ARGFX: variants seen among roughly 807,000 people sequenced by gnomAD.
ARGFX encodes the protein arginine-fifty homeobox.
In ARGFX, 10 loss-of-function variants were observed where a neutral mutation model predicts 8.0. The ratio of observed to expected loss-of-function variants is 1.25; its 90% confidence interval spans 0.77 to 2.12. The LOEUF (loss-of-function observed/expected upper bound fraction) is 2.12, where lower values mean the gene tolerates loss of function less well. Among genes scored for constraint, ARGFX ranks in the 30% most tolerant of loss-of-function variants. The pLI is 0.00. For synonymous variants in ARGFX, 116 were observed against 117.8 expected, an observed-to-expected ratio of 0.98 and a Z score of 0.10; for missense variants, 282 against 324.3, an observed-to-expected ratio of 0.87 and a Z score of 1.00.
chr3:121,583,725 C>G (rs1284211818), intron 3 of ARGFX, among the ~76,000 whole-genome samples: 1 of 152,118 alleles, frequency 6.6e-6, no homozygotes, highest in African/African-American at 2.4e-5. Flanking sequence ...CAGGGTCTCC[C>G]TACACTCCCC....
At chr3:121,584,251 GA>G (rs2048797861) in intron 3 of ARGFX, among the ~76,000 whole-genome samples, 1 of 150,408 alleles carries the variant, frequency 6.6e-6, no homozygotes, top group Admixed American at 6.7e-5. Flanking sequence ...AGGAAGGAAG[GA>G]AGGAAGGAAG....
chr3:121,570,681 C>A (rs1478228096), intron 1 of ARGFX, 21 bp from the exon 2 acceptor site: 2 of 1,508,262 alleles, frequency 1.3e-6, no homozygotes, highest in Non-Finnish European at 1.8e-6. Context: ...CATTCCCTAT[C>A]TCATAGGCCT....
At chr3:121,580,682 G>A (rs181542349) in intron 3 of ARGFX, among the ~76,000 whole-genome samples, 23 of 144,852 alleles carry the variant, frequency 1.6e-4, no homozygotes, top group Admixed American at 1.3e-3. Flanking sequence ...TTGACTCACC[G>A]CAACCTCCGC....
intron 3 of ARGFX, among the ~76,000 whole-genome samples, chr3:121,579,596 C>T (rs2108837239): frequency 6.6e-6 from 1 of 152,168 alleles, no homozygotes; most frequent in Middle Eastern, 3.4e-3. Context: ...ACTTGTCCTT[C>T]CCTAAGAGGG....
At position 121,586,423 on chromosome 3, in the gene ARGFX, A is replaced by C. The variant is rs756253753; in HGVS notation, c.771A>C (p.Thr257=). 2 of 1,614,156 alleles carry C rather than the reference A, an allele frequency of 1.2e-6. No homozygotes were observed. The highest frequency in any genetic ancestry group is 1.7e-6 in the Non-Finnish European group (2 of 1,180,038). ...GTCTGTATCAGTATCTCTCACCCAC[A>C]AAGTACCAGGTAGGAGGACAGGGTT... ...FHCLYQYLSP[T]KYQVGGQGSS... The change falls in exon 5 of 5, where the codon ACA becomes ACC. Residue 257 remains threonine, a synonymous_variant. Transcript: ENST00000334384.
chr3:121,570,582 A>C, intron 1 of ARGFX, 120 bp from the exon 2 acceptor site: 1 of 507,684 alleles, frequency 2.0e-6, no homozygotes. Flanking sequence ...AGGTAGAGGA[A>C]TTGGGGGTTA....
At chr3:121,585,395 G>C (rs79027605) in intron 4 of ARGFX, among the ~76,000 whole-genome samples, 1 of 152,100 alleles carries the variant, frequency 6.6e-6, no homozygotes, top group Non-Finnish European at 1.5e-5. Flanking sequence ...CAGACTCCTC[G>C]CTTAGAGTCT....
chr3:121,579,103 C>T (rs1158375284), intron 3 of ARGFX, among the ~76,000 whole-genome samples: 1 of 152,118 alleles, frequency 6.6e-6, no homozygotes, highest in Admixed American at 6.5e-5. Flanking sequence ...AGAAATAGAT[C>T]AAAGTTTTCA....
At position 121,585,074 on chromosome 3, in the gene ARGFX, C is replaced by T. The variant is rs767668920; in HGVS notation, c.369+9C>T. On this transcript the variant is annotated intron_variant, in intron 4 of 4. Transcript: ENST00000334384. Reference sequence around the variant, plus strand: ...CGGAGTCAACAGTAAAGGTCTGATCCCCTGTGGTGTGCTTGGTACCCCCAT... The same window carrying T: ...CGGAGTCAACAGTAAAGGTCTGATCTCCTGTGGTGTGCTTGGTACCCCCAT... 11 of 1,613,038 alleles carry T rather than the reference C, an allele frequency of 6.8e-6. 1 individual carries two copies. In the South Asian group the frequency reaches 1.2e-4, roughly 18 times the overall value.
At chr3:121,573,405 T>C (rs1170881645) in intron 2 of ARGFX, among the ~76,000 whole-genome samples, 1 of 151,192 alleles carries the variant, frequency 6.6e-6, no homozygotes, top group African/African-American at 2.4e-5. Context: ...CGCTTGAACT[T>C]GGGAGACAGA....
chr3:121,580,682 G>T (rs181542349), intron 3 of ARGFX, among the ~76,000 whole-genome samples: 1 of 144,770 alleles, frequency 6.9e-6, no homozygotes, highest in Non-Finnish European at 1.5e-5. Flanking sequence ...TTGACTCACC[G>T]CAACCTCCGC....
chr3:121,573,487 GA>G (rs372853710), intron 2 of ARGFX, among the ~76,000 whole-genome samples: 3,760 of 140,198 alleles, frequency 0.027, 158 homozygotes, highest in African/African-American at 0.092. Flanking sequence ...TCTCAAAAAA[GA>G]AAAAAAAAAG....
rs1422064244 is a variant in ARGFX at position 121,587,135 on chromosome 3, C to G, written c.*535C>G. ...GCGGGATCTCAGCTCAGTGCAACCTCCACCTCCTGGGGTTCAAGTGATTCT... is the reference window on the plus strand; with the variant it reads ...GCGGGATCTCAGCTCAGTGCAACCTGCACCTCCTGGGGTTCAAGTGATTCT... On this transcript the variant is annotated 3_prime_UTR_variant, in exon 5 of 5. Transcript: ENST00000334384. Among the ~76,000 whole-genome samples, 1 of 152,032 alleles carries G rather than the reference C, an allele frequency of 6.6e-6. No homozygotes were observed. Among genetic ancestry groups the G allele is most frequent in the Non-Finnish European group, 1.5e-5 (1 of 67,990 alleles).
chr3:121,571,057 T>G (rs1164413630), intron 2 of ARGFX, among the ~76,000 whole-genome samples: 2 of 152,234 alleles, frequency 1.3e-5, no homozygotes, highest in African/African-American at 4.8e-5. Flanking sequence ...TGAGCATGTT[T>G]TTCTAGGAGA....
At position 121,588,923 on chromosome 3, in the gene ARGFX, A is replaced by G. The variant is rs2108840634; in HGVS notation, c.*2323A>G. 6.6e-6 allele frequency among the ~76,000 whole-genome samples: 1 copy of G among 152,362 alleles called. No individual in the cohort carries two copies. Among genetic ancestry groups the G allele is most frequent in the South Asian group, 2.1e-4 (1 of 4,828 alleles). Reference sequence around the variant, plus strand: ...TCAATAAAATTTGGGAAATTCACAAATATGTGGATATTAAACAACACATTC... The same window carrying G: ...TCAATAAAATTTGGGAAATTCACAAGTATGTGGATATTAAACAACACATTC... On this transcript the variant is annotated 3_prime_UTR_variant, in exon 5 of 5. Coordinates refer to ENST00000334384, the MANE Select transcript of ARGFX (RefSeq NM_001012659.2).
At chr3:121,574,995 T>TA (rs2048728019) in intron 2 of ARGFX, among the ~76,000 whole-genome samples, 2 of 152,194 alleles carry the variant, frequency 1.3e-5, no homozygotes, top group African/African-American at 4.8e-5. Flanking sequence ...TCAGTGGTTT[T>TA]AAAAAAATAA....
intron 2 of ARGFX, 79 bp from the exon 3 acceptor site, chr3:121,576,705 C>CTTTTTCTTTCTTTCTTTCTT: frequency 4.5e-6 from 1 of 223,022 alleles, no homozygotes; most frequent in Non-Finnish European, 8.2e-6. Flanking sequence ...CTCTTTCTTT[C>CTTTTTCTTTCTTTCTTTCTT]TTTTTCTTTC....
At position 121,576,892 on chromosome 3, in the gene ARGFX, C is replaced by T. The variant is rs764266494; in HGVS notation, c.212C>T (p.Ala71Val). 10 of 363,630 alleles carry T rather than the reference C, an allele frequency of 2.8e-5. No homozygotes were observed. In the East Asian group the frequency reaches 4.9e-4, roughly 18 times the overall value. 22.5% of individuals were successfully genotyped at this position (363,630 alleles called of 1,614,324 possible). The change falls in exon 3 of 5, where the codon GCG (alanine) becomes GTG (valine). Residue 71 changes from alanine (A) to valine (V), a missense_variant. By Grantham distance (64) the Ala-to-Val change is moderately conservative. Coordinates refer to ENST00000334384, the MANE Select transcript of ARGFX (RefSeq NM_001012659.2). ...DPPTSASRVA[A>V]TTAIRRRHKE... ...CCCACCTCAGCCTCCCGAGTAGCTGCGACTACAGGTGCGTGCCACTACACC... is the reference window on the plus strand; with the variant it reads ...CCCACCTCAGCCTCCCGAGTAGCTGTGACTACAGGTGCGTGCCACTACACC...
rs75880243 is a variant in ARGFX at position 121,579,116 on chromosome 3, A to G, written c.220+2216A>G. Among the ~76,000 whole-genome samples the G allele has an allele frequency of 6.6e-3, 999 of 152,334 alleles. 8 individuals carry two copies. The highest frequency in any genetic ancestry group is 0.013 in the South Asian group (61 of 4,826). Reference sequence around the variant, plus strand: ...TAAGAAATAGATCAAAGTTTTCAGAAGACAGCATGTATACATTTAAATTTC... The same window carrying G: ...TAAGAAATAGATCAAAGTTTTCAGAGGACAGCATGTATACATTTAAATTTC... On this transcript the variant is annotated intron_variant, in intron 3 of 4. Coordinates refer to ENST00000334384, the MANE Select transcript of ARGFX (RefSeq NM_001012659.2).
Sources: allele counts gnomAD v4.1 joint callset (sites outside exome capture counted in the v4.1 genomes callset), GRCh38; gene constraint gnomAD v4.1.1; transcripts MANE v1.5; gene names NCBI Gene and HGNC (gene_info 2026-07-23, HGNC 2026-07-21).